Variants in UGT2A2 observed in about 807,000 individuals in gnomAD.
UGT2A2 encodes UDP-glucuronosyltransferase 2A2.
A neutral mutation model predicts 50.7 loss-of-function variants in UGT2A2; 60 were observed. The observed-to-expected ratio is 1.18, with a 90% CI of 0.96 to 1.47. The LOEUF is 1.47. UGT2A2 is among the 40% of genes most tolerant of loss of function. The probability of loss-of-function intolerance (pLI) is 0.00; values close to 1 mark genes in which losing one functional copy is unlikely to be tolerated. For synonymous variants in UGT2A2, 242 were observed against 214.6 expected (o/e 1.13, Z -1.11); for missense variants, 762 against 634.0 (o/e 1.20, Z -2.17).
At chr4:69,594,414 T>C in intron 5 of UGT2A2, 63 bp downstream of exon 5, 6 of 1,570,524 alleles carry the variant, frequency 3.8e-6, no homozygotes, top group East Asian at 4.5e-5. Context: ...AGAATGTACA[T>C]TTTCTGGTAT....
At chr4:69,590,708 A>C (rs766327859) in intron 5 of UGT2A2, among the ~76,000 whole-genome samples, 1 of 152,072 alleles carries the variant, frequency 6.6e-6, no homozygotes, top group Non-Finnish European at 1.5e-5. Flanking sequence ...AAGTAATTTC[A>C]CATGGATCAT....
chr4:69,635,975 G>T (rs1009539168), intron 1 of UGT2A2, among the ~76,000 whole-genome samples: 1 of 151,768 alleles, frequency 6.6e-6, no homozygotes. Context: ...CATAATTCCT[G>T]ATATCCCTGT....
At chr4:69,611,074 A>G (rs1042490283) in intron 1 of UGT2A2, among the ~76,000 whole-genome samples, 4 of 152,054 alleles carry the variant, frequency 2.6e-5, no homozygotes, top group Admixed American at 2.6e-4. Context: ...GAATAGGCAA[A>G]TAATTTTAAA....
intron 1 of UGT2A2, among the ~76,000 whole-genome samples, chr4:69,604,460 A>G (rs2109901010): frequency 7.3e-6 from 1 of 137,416 alleles, no homozygotes; most frequent in East Asian, 2.1e-4. Flanking sequence ...CAGCCACTGC[A>G]AAAACATGCC....
intron 1 of UGT2A2, among the ~76,000 whole-genome samples, chr4:69,636,343 T>C (rs1466272847): frequency 6.6e-6 from 1 of 152,210 alleles, no homozygotes; most frequent in Non-Finnish European, 1.5e-5. Context: ...TTAATCCTTT[T>C]GTTTGTGATG....
intron 1 of UGT2A2, among the ~76,000 whole-genome samples, chr4:69,607,630 G>A (rs1377620658): frequency 2.0e-5 from 3 of 152,042 alleles, no homozygotes; most frequent in Non-Finnish European, 4.4e-5. Context: ...GAGTGAACAG[G>A]CAACCTACAG....
At chr4:69,590,924 G>T (rs1718562437) in intron 5 of UGT2A2, among the ~76,000 whole-genome samples, 1 of 152,088 alleles carries the variant, frequency 6.6e-6, no homozygotes, top group Non-Finnish European at 1.5e-5. Context: ...AAATGTAATT[G>T]TTAATGTTTA....
chr4:69,635,828 C>CAAAAAAAACAAAAAAAAAAAAAAAAA (rs1721659067), intron 1 of UGT2A2: 1 of 49,134 alleles, frequency 2.0e-5, no homozygotes, highest in African/African-American at 6.6e-5. Context: ...TCCACCTCAC[C>CAAAAAAAACAAAAAAAAAAAAAAAAA]AAAAAAAAAA....
intron 1 of UGT2A2, among the ~76,000 whole-genome samples, chr4:69,615,318 A>G (rs991406434): frequency 6.6e-6 from 1 of 152,044 alleles, no homozygotes; most frequent in African/African-American, 2.4e-5. Context: ...GGCAGATTTG[A>G]TTAATAAGAC....
chr4:69,597,305 G>T (rs1340441912), intron 2 of UGT2A2, among the ~76,000 whole-genome samples: 1 of 152,156 alleles, frequency 6.6e-6, no homozygotes, highest in African/African-American at 2.4e-5. Context: ...TCTTCTTGAT[G>T]TATAAGCTGC....
At chr4:69,607,218 G>GCATGGTACTGGTACC (rs1553904403) in intron 1 of UGT2A2, among the ~76,000 whole-genome samples, 15 of 150,156 alleles carry the variant, frequency 1.0e-4, no homozygotes, top group African/African-American at 1.5e-4. Flanking sequence ...TACCAAAACA[G>GCATGGTACTGGTACC]AGATAAAGAC....
intron 2 of UGT2A2, 142 bp downstream of exon 2, chr4:69,599,104 C>T (rs1235710494): frequency 3.2e-6 from 4 of 1,252,646 alleles, no homozygotes; most frequent in East Asian, 5.2e-5. Flanking sequence ...TTGTAGGAGA[C>T]CTCTATCACA....
intron 1 of UGT2A2, among the ~76,000 whole-genome samples, chr4:69,634,321 A>T (rs942002471): frequency 6.6e-6 from 1 of 152,068 alleles, no homozygotes; most frequent in African/African-American, 2.4e-5. Context: ...GGAAAGCTAC[A>T]TATAAGAAGG....
intron 1 of UGT2A2, 168 bp from the exon 2 acceptor site, chr4:69,599,562 A>G (rs1272474736): frequency 6.9e-6 from 7 of 1,016,254 alleles, no homozygotes; most frequent in African/African-American, 1.7e-5. Flanking sequence ...ATTAAAGAGG[A>G]TGGAAGAAAG....
At chr4:69,634,160 G>A (rs1312126231) in intron 1 of UGT2A2, among the ~76,000 whole-genome samples, 1 of 152,022 alleles carries the variant, frequency 6.6e-6, no homozygotes, top group African/African-American at 2.4e-5. Context: ...CAGGAGAATG[G>A]CGTGAACCCG....
chr4:69,618,765 C>A (rs1483370293), intron 1 of UGT2A2, among the ~76,000 whole-genome samples: 1 of 151,772 alleles, frequency 6.6e-6, no homozygotes, highest in African/African-American at 2.4e-5. Context: ...TACTCCAATA[C>A]CTTTATTGGT....
At chr4:69,635,838 A>AAAAAAAAC (rs1721663649) in intron 1 of UGT2A2, 1 of 145,462 alleles carries the variant, frequency 6.9e-6, no homozygotes, top group Non-Finnish European at 1.5e-5. Flanking sequence ...CAAAAAAAAA[A>AAAAAAAAC]AAAAAAAAAA....
intron 1 of UGT2A2, among the ~76,000 whole-genome samples, chr4:69,637,497 T>C (rs2109965896): frequency 6.6e-6 from 1 of 152,244 alleles, no homozygotes; most frequent in South Asian, 2.1e-4. Context: ...GTCTTTGTAC[T>C]TGTTCTTACC....
chr4:69,614,958 A>G (rs926415977), intron 1 of UGT2A2, among the ~76,000 whole-genome samples: 3 of 152,058 alleles, frequency 2.0e-5, no homozygotes, highest in Admixed American at 6.6e-5. Context: ...ACATCTTCAC[A>G]TGGTGGCAGG....
Sources: allele counts gnomAD v4.1 joint callset (sites outside exome capture counted in the v4.1 genomes callset), GRCh38; gene constraint gnomAD v4.1.1; transcripts MANE v1.5; gene names NCBI Gene and HGNC (gene_info 2026-07-23, HGNC 2026-07-21).